Variants in ADAMTS20 observed in about 807,000 individuals in gnomAD.
ADAMTS20 encodes ADAM metallopeptidase with thrombospondin type 1 motif 20, also known as A disintegrin and metalloproteinase with thrombospondin motifs 20.
ADAMTS20 carries 225 observed loss-of-function variants against 260.1 expected under a neutral mutation model. The observed-to-expected ratio is 0.87, with a 90% CI of 0.78 to 0.97. The LOEUF is 0.97. ADAMTS20 is among the 50% of genes least tolerant of loss of function. ADAMTS20 has a pLI of 0.00. For missense variants in ADAMTS20, 2,400 were observed against 2,337.7 expected, an observed-to-expected ratio of 1.03 and a Z score of -0.55; for synonymous variants, 802 against 769.5, an observed-to-expected ratio of 1.04 and a Z score of -0.70.
intron 37 of ADAMTS20, 116 bp downstream of exon 37, chr12:43,369,174 G>A: frequency 1.8e-6 from 1 of 561,490 alleles, no homozygotes; most frequent in Non-Finnish European, 2.8e-6. Context: ...CATATGTGAA[G>A]TTTTGCATTT....
chr12:43,407,113 G>A (rs1940933742), intron 28 of ADAMTS20, among the ~76,000 whole-genome samples: 1 of 151,890 alleles, frequency 6.6e-6, no homozygotes, highest in South Asian at 2.1e-4. Flanking sequence ...GCTCTAATAA[G>A]CCAAGAAAGC....
intron 11 of ADAMTS20, among the ~76,000 whole-genome samples, chr12:43,454,261 C>T (rs892916821): frequency 1.1e-4 from 16 of 152,122 alleles, no homozygotes; most frequent in African/African-American, 3.9e-4. Flanking sequence ...AATATTTCTT[C>T]TGGCTTTAAG....
chr12:43,474,017 A>C (rs1942308166), intron 7 of ADAMTS20, among the ~76,000 whole-genome samples: 1 of 151,160 alleles, frequency 6.6e-6, no homozygotes, highest in South Asian at 2.1e-4. Context: ...TAGAGACACA[A>C]AAAACCCTTC....
chr12:43,509,497 G>A (rs1054999204), intron 3 of ADAMTS20, among the ~76,000 whole-genome samples: 10 of 149,982 alleles, frequency 6.7e-5, no homozygotes, highest in African/African-American at 2.2e-4. Context: ...ACACAACAGT[G>A]TTAATAAATG....
At chr12:43,387,589 C>T (rs751051034) in intron 29 of ADAMTS20, among the ~76,000 whole-genome samples, 2 of 152,216 alleles carry the variant, frequency 1.3e-5, no homozygotes, top group Non-Finnish European at 2.9e-5. Context: ...GCTGCGCCCA[C>T]AGTTGCCCCT....
Position 43,521,160 on chromosome 12 carries a change from C to T in ADAMTS20, c.613+10876G>A, listed in dbSNP as rs11182126. ...GCTTGCCAATTAGTTGAATAGGAAACTGATTAAATTCATTAGCTATTCATT... is the reference window on the plus strand; with the variant it reads ...GCTTGCCAATTAGTTGAATAGGAAATTGATTAAATTCATTAGCTATTCATT... On this transcript the variant is annotated intron_variant, in intron 3 of 38. Transcript: ENST00000389420. Among the ~76,000 whole-genome samples the T allele has an allele frequency of 8.3e-3, 1,261 of 152,270 alleles. 20 individuals carry two copies. Among genetic ancestry groups the T allele is most frequent in the African/African-American group, 0.028 (1,181 of 41,542 alleles).
chr12:43,456,356 A>G (rs1482497858), intron 11 of ADAMTS20, among the ~76,000 whole-genome samples: 1 of 152,178 alleles, frequency 6.6e-6, no homozygotes, highest in Non-Finnish European at 1.5e-5. Context: ...CACTTTAAGA[A>G]AACAATAGCA....
chr12:43,364,367 T>A (rs1565665853), intron 37 of ADAMTS20, among the ~76,000 whole-genome samples: 1 of 152,068 alleles, frequency 6.6e-6, no homozygotes, highest in Non-Finnish European at 1.5e-5. Context: ...AAGAAAAACT[T>A]CCTTTGAGAG....
chr12:43,373,177 C>T (rs989625886), intron 36 of ADAMTS20, among the ~76,000 whole-genome samples: 1 of 152,188 alleles, frequency 6.6e-6, no homozygotes, highest in Admixed American at 6.5e-5. Flanking sequence ...TTTTACCATG[C>T]AAGTTTAAGG....
At chr12:43,438,405 T>C (rs1286098914) in intron 18 of ADAMTS20, among the ~76,000 whole-genome samples, 3 of 152,198 alleles carry the variant, frequency 2.0e-5, no homozygotes, top group East Asian at 1.9e-4. Context: ...TCTGTCAAAA[T>C]AAATTTTTCC....
Position 43,353,993 on chromosome 12 carries a change from C to A in ADAMTS20, c.*216G>T. The A allele has an allele frequency of 2.9e-6, 1 of 346,606 alleles. No homozygotes were observed. Among genetic ancestry groups the A allele is most frequent in the Non-Finnish European group, 5.2e-6 (1 of 190,604 alleles). The allele number at this position is 346,606 out of a possible 1,614,324, so 21.5% of individuals were successfully genotyped here. On this transcript the variant is annotated 3_prime_UTR_variant, in exon 39 of 39. Coordinates refer to ENST00000389420, the MANE Select transcript of ADAMTS20 (RefSeq NM_025003.5). ...ATTATTATGTTCTTTAAAAAATATC[C>A]TGATTAGATATAAAATAAATTAAGA...
chr12:43,424,097 C>A lies in ADAMTS20; in HGVS notation c.4284+1417G>T, dbSNP rs545935687. Among the ~76,000 whole-genome samples the A allele has an allele frequency of 3.6e-4, 55 of 152,064 alleles. No homozygotes were observed. The South Asian group carries it at 0.011, about 31-fold the overall frequency. ...TAGGGCAAAACAAAACAAGAGCAGG[C>A]ATCAAGGGTTGGTTATAAAACTGGA... On this transcript the variant is annotated intron_variant, in intron 28 of 38. Coordinates refer to ENST00000389420, the MANE Select transcript of ADAMTS20 (RefSeq NM_025003.5).
chr12:43,414,523 C>T (rs1941093279), intron 28 of ADAMTS20, among the ~76,000 whole-genome samples: 1 of 151,900 alleles, frequency 6.6e-6, no homozygotes, highest in Non-Finnish European at 1.5e-5. Flanking sequence ...TGCAGAAAAT[C>T]CAGTAGAAAA....
At chr12:43,440,855 GA>G (rs1941650296) in intron 16 of ADAMTS20, among the ~76,000 whole-genome samples, 1 of 152,036 alleles carries the variant, frequency 6.6e-6, no homozygotes, top group East Asian at 1.9e-4. Flanking sequence ...ACGAGGTCAG[GA>G]GATCGAGATC....
chr12:43,423,596 C>A, intron 28 of ADAMTS20: 1 of 616,958 alleles, frequency 1.6e-6, no homozygotes, highest in Non-Finnish European at 2.9e-6. Context: ...AAGAACTAGG[C>A]TTGCAAACTA....
chr12:43,358,708 G>A (rs901012557), intron 37 of ADAMTS20, among the ~76,000 whole-genome samples: 100 of 150,864 alleles, frequency 6.6e-4, no homozygotes, highest in Admixed American at 2.2e-3. Context: ...ATGGTGGCGC[G>A]CGCCTGTAGT....
At chr12:43,539,494 A>T (rs905946871) in intron 2 of ADAMTS20, among the ~76,000 whole-genome samples, 2 of 152,210 alleles carry the variant, frequency 1.3e-5, no homozygotes, top group Admixed American at 1.3e-4. Flanking sequence ...AAGAATTCTT[A>T]TCTATTTCTT....
At chr12:43,406,410 C>A (rs1176190397) in intron 28 of ADAMTS20, among the ~76,000 whole-genome samples, 4 of 151,934 alleles carry the variant, frequency 2.6e-5, no homozygotes, top group Admixed American at 6.6e-5. Flanking sequence ...CTAAATAATT[C>A]TTTAAATGAT....
chr12:43,513,580 T>C (rs1942954342), intron 3 of ADAMTS20, among the ~76,000 whole-genome samples: 2 of 152,192 alleles, frequency 1.3e-5, no homozygotes, highest in East Asian at 1.9e-4. Context: ...CAAAGGATTA[T>C]AAAACATGCT....
Sources: gnomAD v4.1 joint callset for allele counts (sites outside exome capture counted in the v4.1 genomes callset) on GRCh38, gnomAD v4.1.1 for gene constraint, MANE v1.5 for transcripts, NCBI Gene and HGNC (gene_info 2026-07-23, HGNC 2026-07-21) for gene names.